The following FLT3 variants were observed in gnomAD, a reference collection of about 807,000 sequenced individuals.
FLT3 encodes fms related receptor tyrosine kinase 3, also known as receptor-type tyrosine-protein kinase FLT3.
A neutral mutation model predicts 126.6 loss-of-function variants in FLT3; 46 were observed. The observed-to-expected ratio is 0.36, with a 90% CI of 0.29 to 0.46. The LOEUF is 0.46. FLT3 is among the 20% of genes least tolerant of loss of function. The probability of loss-of-function intolerance (pLI) is 1.00; values close to 1 mark genes in which losing one functional copy is unlikely to be tolerated. For synonymous variants in FLT3, 404 were observed against 434.4 expected (o/e 0.93, Z 0.87); for missense variants, 1,069 against 1,190.3 (o/e 0.90, Z 1.50).
intron 1 of FLT3, among the ~76,000 whole-genome samples, chr13:28,079,565 A>G (rs989371677): frequency 7.2e-5 from 11 of 152,178 alleles, no homozygotes; most frequent in African/African-American, 2.7e-4. Context: ...GAGACTGGGA[A>G]GAAAAAGGGG....
rs1872681249 is a variant in FLT3 at position 28,024,929 on chromosome 13, C to G, written c.2222G>C (p.Arg741Thr). ...SHPNSSMPGS[R>T]EVQIHPDSDQ... ...CGAGTCCGGGTGTATCTGAACTTCTCTTGAACCAGGCATGCTATTAAAAAA... is the reference window on the plus strand; with the variant it reads ...CGAGTCCGGGTGTATCTGAACTTCTGTTGAACCAGGCATGCTATTAAAAAA... The change falls in exon 18 of 24, where the codon AGA becomes ACA. Residue 741 changes from arginine to threonine, a missense_variant. Arg to Thr is a moderately conservative substitution (Grantham distance 71). Transcript: ENST00000241453. 2 of 1,609,686 alleles carry G rather than the reference C, an allele frequency of 1.2e-6. No individual in the cohort carries two copies. The highest frequency in any genetic ancestry group is 4.5e-5 in the East Asian group (2 of 44,772).
chr13:28,041,858 A>G (rs1407383172), intron 9 of FLT3, among the ~76,000 whole-genome samples: 1 of 152,156 alleles, frequency 6.6e-6, no homozygotes, highest in Non-Finnish European at 1.5e-5. Context: ...AAAACTAAGA[A>G]AAGGGGTTTC....
At chr13:28,013,352 A>T (rs1342263139) in intron 23 of FLT3, among the ~76,000 whole-genome samples, 2 of 152,222 alleles carry the variant, frequency 1.3e-5, no homozygotes, top group African/African-American at 4.8e-5. Flanking sequence ...CTCTTCTCAC[A>T]TACATCACCT....
intron 3 of FLT3, among the ~76,000 whole-genome samples, chr13:28,058,719 T>C (rs1343493059): frequency 6.6e-6 from 1 of 152,206 alleles, no homozygotes; most frequent in Non-Finnish European, 1.5e-5. Context: ...CAGGTTATAT[T>C]CGAGAAGCCC....
In FLT3 at chr13:28,070,013, G is replaced by T. The variant is rs545966175; in HGVS notation, c.165+478C>A. On this transcript the variant is annotated intron_variant, in intron 2 of 23. Coordinates refer to ENST00000241453, the MANE Select transcript of FLT3 (RefSeq NM_004119.3). ...GCCTTTAGTCCCAGCTAGTTGGGAG[G>T]TTGAAGTGGGAGGATTGCTTGAGCC... Among the ~76,000 whole-genome samples the T allele has an allele frequency of 6.6e-5, 10 of 152,304 alleles. No individual in the cohort carries two copies. In the South Asian group the frequency reaches 1.7e-3, roughly 25 times the overall value.
chr13:28,034,251 C>T (rs2137676682), intron 13 of FLT3, 37 bp from the exon 14 acceptor site: 1 of 1,613,494 alleles, frequency 6.2e-7, no homozygotes. Context: ...TAGGAATAGG[C>T]AGTTCTGCAG....
intron 23 of FLT3, among the ~76,000 whole-genome samples, chr13:28,013,586 C>G (rs1452803011): frequency 6.6e-6 from 1 of 152,110 alleles, no homozygotes; most frequent in Non-Finnish European, 1.5e-5. Context: ...ATGGGGGAAG[C>G]GTTAGCAAAG....
rs73154839 is a variant in FLT3, at chr13:28,059,295, C to T, written c.369-1833G>A. Among the ~76,000 whole-genome samples the T allele has an allele frequency of 7.4e-3, 1,122 of 152,244 alleles. 6 individuals carry two copies. The highest frequency in any genetic ancestry group is 0.013 in the Non-Finnish European group (857 of 68,024). On this transcript the variant is annotated intron_variant, in intron 3 of 23. Transcript: ENST00000241453. ...TTTACTACATAGTTCCTGGAAAGCG[C>T]GTGCCTTCTCTACACCTAAGGGACA...
intron 3 of FLT3, among the ~76,000 whole-genome samples, chr13:28,060,614 C>CT (rs995689061): frequency 2.7e-5 from 4 of 150,036 alleles, no homozygotes; most frequent in East Asian, 2.0e-4. Context: ...TTCTTTTTTT[C>CT]TTTTTTTTGA....
At chr13:28,091,686 G>T (rs1021263992) in intron 1 of FLT3, among the ~76,000 whole-genome samples, 2 of 152,100 alleles carry the variant, frequency 1.3e-5, no homozygotes, top group African/African-American at 4.8e-5. Context: ...TGTAATCTCA[G>T]CACTCTGGGA....
intron 1 of FLT3, among the ~76,000 whole-genome samples, chr13:28,082,728 G>C (rs1041411334): frequency 6.7e-6 from 1 of 150,182 alleles, no homozygotes; most frequent in Non-Finnish European, 1.5e-5. Context: ...TTTTGAGACG[G>C]AGTCTTGCTC....
intron 3 of FLT3, among the ~76,000 whole-genome samples, chr13:28,057,882 A>T (rs1876151572): frequency 6.6e-6 from 1 of 151,898 alleles, no homozygotes; most frequent in Admixed American, 6.6e-5. Context: ...TCTATTAAAA[A>T]TACAAAAATT....
intron 10 of FLT3, 74 bp from the exon 11 acceptor site, chr13:28,036,117 T>C: frequency 4.7e-6 from 6 of 1,279,502 alleles, no homozygotes; most frequent in South Asian, 1.2e-5. Context: ...CAATACTTTG[T>C]GAAGCCAAGG....
intron 5 of FLT3, among the ~76,000 whole-genome samples, chr13:28,051,271 C>CT: frequency 6.6e-6 from 1 of 152,158 alleles, no homozygotes; most frequent in African/African-American, 2.4e-5. Flanking sequence ...GAGTCTCACT[C>CT]TGTCACCCAG....
intron 1 of FLT3, among the ~76,000 whole-genome samples, chr13:28,081,112 C>T (rs1489284637): frequency 1.3e-5 from 2 of 152,014 alleles, no homozygotes; most frequent in Non-Finnish European, 2.9e-5. Flanking sequence ...TATTCTAGTT[C>T]TCTTGCATTT....
At chr13:28,091,127 T>G (rs1879002172) in intron 1 of FLT3, among the ~76,000 whole-genome samples, 1 of 151,058 alleles carries the variant, frequency 6.6e-6, no homozygotes, top group Non-Finnish European at 1.5e-5. Flanking sequence ...GAGACCAGAG[T>G]TCCAAGTCCC....
chr13:28,052,561 CGCAAAGCA>C lies in FLT3; in HGVS notation c.590_597del (p.Val197GlyfsTer8). ...GTGTCATACCTTTCCCCCTGTGAAT[CGCAAAGCA>C]CCCATTCCACGATCGGCTCTGGAAC... On this transcript the variant is annotated frameshift_variant, in exon 5 of 24. Coordinates refer to ENST00000241453, the MANE Select transcript of FLT3 (RefSeq NM_004119.3). LOFTEE classifies it high-confidence loss of function. 6.2e-7 allele frequency: 1 copy of C among 1,612,748 alleles called. No homozygotes were observed. Among genetic ancestry groups the C allele is most frequent in the Non-Finnish European group, 8.5e-7 (1 of 1,179,334 alleles).
chr13:28,060,496 A>C lies in FLT3; in HGVS notation c.368+1371T>G, dbSNP rs184349032. 1.7e-3 allele frequency among the ~76,000 whole-genome samples: 261 copies of C among 151,636 alleles called. 7 individuals carry two copies. Among genetic ancestry groups the C allele is most frequent in the Admixed American group, 0.017 (258 of 15,218 alleles). On this transcript the variant is annotated intron_variant, in intron 3 of 23. Transcript: ENST00000241453. ...AAAAAAAAAAGAAAAAGGAAAAAAA[A>C]TCCTAGATATTCTTTTCACTATTTG... is the stretch of plus-strand genomic sequence containing the variant.
intron 2 of FLT3, among the ~76,000 whole-genome samples, chr13:28,067,062 T>C (rs556406590): frequency 6.6e-6 from 1 of 152,314 alleles, no homozygotes; most frequent in African/African-American, 2.4e-5. Flanking sequence ...CTCGTTCTTG[T>C]TGCCAGGCTG....
Sources: gnomAD v4.1 joint callset for allele counts (sites outside exome capture counted in the v4.1 genomes callset) on GRCh38, gnomAD v4.1.1 for gene constraint, MANE v1.5 for transcripts, NCBI Gene and HGNC (gene_info 2026-07-23, HGNC 2026-07-21) for gene names.